Variants in AUH observed in about 807,000 individuals in gnomAD.
The protein encoded by AUH is AU RNA binding methylglutaconyl-CoA hydratase, also known as methylglutaconyl-CoA hydratase, mitochondrial.
A neutral mutation model predicts 42.3 loss-of-function variants in AUH; 29 were observed. That is an observed-to-expected ratio of 0.69 (90% CI 0.51 to 0.93). The LOEUF (loss-of-function observed/expected upper bound fraction) is 0.93, where lower values mean the gene tolerates loss of function less well. Ranked by LOEUF, AUH falls within the 40% of genes least tolerant of loss-of-function variation. The pLI is 0.00. For synonymous variants in AUH, 174 were observed against 166.4 expected, an observed-to-expected ratio of 1.05 and a Z score of -0.35; for missense variants, 452 against 438.1, an observed-to-expected ratio of 1.03 and a Z score of -0.28.
intron 6 of AUH, 39 bp from the exon 7 acceptor site, chr9:91,221,031 A>G (rs768508720): frequency 6.2e-7 from 1 of 1,604,962 alleles, no homozygotes; most frequent in Non-Finnish European, 8.5e-7. Context: ...ATGATTTGAC[A>G]CCTGTTAGTT....
At chr9:91,309,508 T>C (rs1346164051) in intron 4 of AUH, among the ~76,000 whole-genome samples, 2 of 152,158 alleles carry the variant, frequency 1.3e-5, no homozygotes, top group African/African-American at 4.8e-5. Flanking sequence ...ACCACGTCTT[T>C]TGCTGCCCCA....
At chr9:91,353,820 CAAAAAAAAAAAAA>C (rs56842895) in intron 3 of AUH, among the ~76,000 whole-genome samples, 10 of 27,646 alleles carry the variant, frequency 3.6e-4, no homozygotes, top group Admixed American at 8.8e-4. Context: ...GACTCCGTCT[CAAAAAAAAAAAAA>C]AAAAAAAAAA....
At chr9:91,237,773 A>G (rs545665084) in intron 6 of AUH, among the ~76,000 whole-genome samples, 2 of 152,314 alleles carry the variant, frequency 1.3e-5, no homozygotes, top group South Asian at 4.1e-4. Flanking sequence ...TGGTATCACA[A>G]AATGTTCCAA....
chr9:91,266,849 T>A (rs1271167190), intron 6 of AUH, among the ~76,000 whole-genome samples: 1 of 152,218 alleles, frequency 6.6e-6, no homozygotes, highest in East Asian at 1.9e-4. Context: ...TAGTTGAACA[T>A]AAACATATAT....
At chr9:91,338,840 C>A (rs1830889342) in intron 3 of AUH, among the ~76,000 whole-genome samples, 1 of 152,132 alleles carries the variant, frequency 6.6e-6, no homozygotes, top group African/African-American at 2.4e-5. Flanking sequence ...AATCTAGAAA[C>A]TAATGAGACT....
At chr9:91,292,192 A>C (rs1340195143) in intron 6 of AUH, among the ~76,000 whole-genome samples, 1 of 152,134 alleles carries the variant, frequency 6.6e-6, no homozygotes, top group African/African-American at 2.4e-5. Flanking sequence ...CTTCAGCTCT[A>C]AGTTCAGGCT....
At chr9:91,239,168 T>C (rs10820843) in intron 6 of AUH, among the ~76,000 whole-genome samples, 23,628 of 151,364 alleles carry the variant, frequency 0.16, 1,973 homozygotes, top group Middle Eastern at 0.18. Flanking sequence ...TTTTTTTTTT[T>C]ATCCTTCATC....
chr9:91,324,395 T>G (rs1409088806), intron 4 of AUH, among the ~76,000 whole-genome samples: 1 of 151,580 alleles, frequency 6.6e-6, no homozygotes, highest in African/African-American at 2.4e-5. Flanking sequence ...CCTAACCACT[T>G]AGGAGGCTGA....
At chr9:91,217,135 C>T in intron 8 of AUH, 142 bp downstream of exon 8, 2 of 834,454 alleles carry the variant, frequency 2.4e-6, no homozygotes, top group South Asian at 1.6e-5. Flanking sequence ...TTGCAAGGAA[C>T]TTCAGTAGCT....
At chr9:91,266,678 A>G (rs911786664) in intron 6 of AUH, among the ~76,000 whole-genome samples, 1 of 152,230 alleles carries the variant, frequency 6.6e-6, no homozygotes, top group Non-Finnish European at 1.5e-5. Context: ...ACAGGTTCAC[A>G]GAATAATGGT....
intron 6 of AUH, among the ~76,000 whole-genome samples, chr9:91,257,897 T>C (rs1291662966): frequency 6.6e-6 from 1 of 152,244 alleles, no homozygotes; most frequent in Non-Finnish European, 1.5e-5. Context: ...CACGAACACA[T>C]TATGTCTCCA....
At chr9:91,343,322 G>A (rs1445710725) in intron 3 of AUH, 2 of 152,038 alleles carry the variant, frequency 1.3e-5, no homozygotes, top group African/African-American at 4.8e-5. Context: ...GAGGCAAACA[G>A]AGAGAAGAAA....
chr9:91,356,207 A>G (rs193139244), intron 1 of AUH, 52 bp from the exon 2 acceptor site: 2 of 1,441,048 alleles, frequency 1.4e-6, no homozygotes, highest in African/African-American at 2.8e-5. Context: ...AGGCATTCAG[A>G]GAACAGACTC....
At chr9:91,230,345 G>T (rs1383791248) in intron 6 of AUH, among the ~76,000 whole-genome samples, 2 of 151,954 alleles carry the variant, frequency 1.3e-5, no homozygotes, top group African/African-American at 4.8e-5. Context: ...GTTGATCGCA[G>T]CGGCTCCTGA....
chr9:91,277,272 T>G (rs1825621714), intron 6 of AUH, among the ~76,000 whole-genome samples: 1 of 152,212 alleles, frequency 6.6e-6, no homozygotes, highest in African/African-American at 2.4e-5. Context: ...AGAATTACAA[T>G]TTAGCATGAA....
chr9:91,220,984 G>GT lies in AUH; in HGVS notation c.663dup (p.Gln222ThrfsTer73). On this transcript the variant is annotated frameshift_variant, in exon 7 of 10. Coordinates refer to ENST00000375731, the MANE Select transcript of AUH (RefSeq NM_001698.3). LOFTEE classifies it high-confidence loss of function. ...ATTCCAATGGCGCGTGGCAATCGCT[G>GT]TGTCCCCCCTGAGGGGTGAAAGAGA... 6.2e-7 allele frequency: 1 copy of GT among 1,614,182 alleles called. No individual in the cohort carries two copies. The highest frequency in any genetic ancestry group is 8.5e-7 in the Non-Finnish European group (1 of 1,180,040).
intron 6 of AUH, among the ~76,000 whole-genome samples, chr9:91,295,293 T>C (rs1827235407): frequency 1.3e-5 from 2 of 152,150 alleles, no homozygotes; most frequent in Admixed American, 1.3e-4. Context: ...GACTAATACA[T>C]GGACAAATAA....
intron 4 of AUH, among the ~76,000 whole-genome samples, chr9:91,310,578 C>T (rs1179160936): frequency 1.3e-5 from 2 of 152,156 alleles, no homozygotes; most frequent in African/African-American, 2.4e-5. Context: ...TAAACTTACA[C>T]CAAAATAATT....
rs1164807774 is a variant in AUH at position 91,313,561 on chromosome 9, C to T, written c.505+11757G>A. On this transcript the variant is annotated intron_variant, in intron 4 of 9. Coordinates refer to ENST00000375731, the MANE Select transcript of AUH (RefSeq NM_001698.3). ...TCTACTAAAAATACAAAAAATTAGCCGGGCGCGGTGGCGGGCGCCTGTAGT... is the reference window on the plus strand; with the variant it reads ...TCTACTAAAAATACAAAAAATTAGCTGGGCGCGGTGGCGGGCGCCTGTAGT... Among the ~76,000 whole-genome samples, 12 of 151,534 alleles carry T rather than the reference C, an allele frequency of 7.9e-5. No homozygotes were observed. The East Asian group carries it at 1.4e-3, about 17-fold the overall frequency.
Sources: allele counts gnomAD v4.1 joint callset (sites outside exome capture counted in the v4.1 genomes callset), GRCh38; gene constraint gnomAD v4.1.1; transcripts MANE v1.5; gene names NCBI Gene and HGNC (gene_info 2026-07-23, HGNC 2026-07-21).